Variants in UVRAG observed in about 807,000 individuals in gnomAD.
The protein encoded by UVRAG is UV radiation resistance associated, also known as UV radiation resistance-associated gene protein.
UVRAG carries 19 observed loss-of-function variants against 78.0 expected under a neutral mutation model. That is an observed-to-expected ratio of 0.24 (90% CI 0.17 to 0.36). UVRAG has a LOEUF of 0.36. Ranked by LOEUF, UVRAG falls within the 10% of genes least tolerant of loss-of-function variation. The pLI is 1.00. For synonymous variants in UVRAG, 323 were observed against 324.6 expected, an observed-to-expected ratio of 1.00 and a Z score of 0.05; for missense variants, 740 against 853.8, an observed-to-expected ratio of 0.87 and a Z score of 1.66.
intron 14 of UVRAG, among the ~76,000 whole-genome samples, chr11:76,127,823 A>G (rs1189141887): frequency 6.6e-6 from 1 of 151,830 alleles, no homozygotes; most frequent in Non-Finnish European, 1.5e-5. Flanking sequence ...CGGACGTGGT[A>G]GTGTATGCCT....
rs531972020 is a variant in UVRAG at position 75,851,907 on chromosome 11, A to G, written c.142A>G (p.Ile48Val). 1.2e-6 allele frequency: 2 copies of G among 1,612,878 alleles called. No individual in the cohort carries two copies. The highest frequency in any genetic ancestry group is 4.5e-5 in the East Asian group (2 of 44,862). The stretch of plus-strand genomic sequence containing the variant: ...GCGGCGTCTTCGACATCTTCGGAAC[A>G]TTGCTGCCCGGAACATTGTTAATAG... ...QQRRLRHLRN[I>V]AARNIVNRNG... Residue 48 changes from isoleucine to valine, a missense_variant, in exon 2 of 15, where the codon ATT becomes GTT. Coordinates refer to ENST00000356136, the MANE Select transcript of UVRAG (RefSeq NM_003369.4).
intron 9 of UVRAG, among the ~76,000 whole-genome samples, chr11:76,006,860 A>G (rs1401375990): frequency 6.6e-6 from 1 of 152,142 alleles, no homozygotes; most frequent in African/African-American, 2.4e-5. Flanking sequence ...AATTGGCCTC[A>G]TTAAATTGAC....
At chr11:75,981,843 TTTG>T (rs889626762) in intron 7 of UVRAG, among the ~76,000 whole-genome samples, 1 of 152,194 alleles carries the variant, frequency 6.6e-6, no homozygotes, top group African/African-American at 2.4e-5. Context: ...TCACTGAGTT[TTTG>T]TTATTTTTTG....
At chr11:75,928,966 A>AAAAAAAAAAAT (rs1948172975) in intron 6 of UVRAG, among the ~76,000 whole-genome samples, 1 of 148,146 alleles carries the variant, frequency 6.8e-6, no homozygotes, top group African/African-American at 2.5e-5. Flanking sequence ...AAAAAAAAAG[A>AAAAAAAAAAAT]ATTGAAAGCT....
At position 75,990,545 on chromosome 11, in the gene UVRAG, A is replaced by G. The variant is rs190615967; in HGVS notation, c.826+7032A>G. On this transcript the variant is annotated intron_variant, in intron 8 of 14. Transcript: ENST00000356136. Reference sequence around the variant, plus strand: ...CCTTTAAGATAAAAGTCTCAGCCCAAGATGACTTACAAAGGCCTCCAATGG... The same window carrying G: ...CCTTTAAGATAAAAGTCTCAGCCCAGGATGACTTACAAAGGCCTCCAATGG... Among the ~76,000 whole-genome samples the G allele has an allele frequency of 3.3e-5, 5 of 152,236 alleles. No individual in the cohort carries two copies. In the East Asian group the frequency reaches 9.6e-4, roughly 29 times the overall value.
intron 14 of UVRAG, among the ~76,000 whole-genome samples, chr11:76,125,811 A>G (rs1952376587): frequency 6.6e-6 from 1 of 152,228 alleles, no homozygotes; most frequent in Non-Finnish European, 1.5e-5. Context: ...CCCATAATTC[A>G]GGCACAAAAA....
chr11:75,900,680 C>T (rs2134985165), intron 5 of UVRAG, among the ~76,000 whole-genome samples: 1 of 152,246 alleles, frequency 6.6e-6, no homozygotes, highest in South Asian at 2.1e-4. Flanking sequence ...GTCCTCATGT[C>T]ATGGAGTAGC....
In UVRAG at chr11:76,144,174, T is replaced by C. The variant is rs1234309498; in HGVS notation, c.*2761T>C. 1.3e-5 allele frequency among the ~76,000 whole-genome samples: 2 copies of C among 152,242 alleles called. No homozygotes were observed. Among genetic ancestry groups the C allele is most frequent in the African/African-American group, 4.8e-5 (2 of 41,454 alleles). On this transcript the variant is annotated 3_prime_UTR_variant, in exon 15 of 15. Transcript: ENST00000356136. ...ATAAATGGCATGTGAAACTGATCTG[T>C]TGGTAACTGGAAGAAAACTCAGCAT...
chr11:75,856,460 A>G (rs1417122114), intron 2 of UVRAG, among the ~76,000 whole-genome samples: 2 of 151,116 alleles, frequency 1.3e-5, no homozygotes, highest in African/African-American at 4.9e-5. Flanking sequence ...ATTTTTATTT[A>G]TTTTTTATGA....
At chr11:75,956,224 C>T (rs951442502) in intron 6 of UVRAG, among the ~76,000 whole-genome samples, 2 of 152,072 alleles carry the variant, frequency 1.3e-5, no homozygotes, top group African/African-American at 4.8e-5. Flanking sequence ...CATTCTTATA[C>T]AAAGCTTCTT....
intron 6 of UVRAG, among the ~76,000 whole-genome samples, chr11:75,951,957 G>GT (rs1207984694): frequency 1.3e-5 from 2 of 151,970 alleles, no homozygotes; most frequent in African/African-American, 4.8e-5. Context: ...TAATAATATC[G>GT]TATCTTCCAA....
chr11:75,888,967 G>A (rs1947155043), intron 5 of UVRAG, 64 bp downstream of exon 5: 10 of 1,345,084 alleles, frequency 7.4e-6, no homozygotes, highest in African/African-American at 1.5e-5. Context: ...AGGTGTACAG[G>A]GTAGATATAA....
intron 8 of UVRAG, among the ~76,000 whole-genome samples, chr11:75,996,349 G>A (rs1591109985): frequency 6.6e-6 from 1 of 152,154 alleles, no homozygotes; most frequent in Admixed American, 6.5e-5. Flanking sequence ...TTATTTTTCT[G>A]CATATATGCC....
chr11:76,015,598 A>G (rs996566041), intron 11 of UVRAG, among the ~76,000 whole-genome samples: 6 of 151,846 alleles, frequency 4.0e-5, no homozygotes, highest in African/African-American at 1.4e-4. Flanking sequence ...AAAAAAGTAT[A>G]TATATAAAAA....
chr11:75,911,804 G>T, intron 5 of UVRAG, 150 bp from the exon 6 acceptor site: 1 of 540,246 alleles, frequency 1.9e-6, no homozygotes, highest in Non-Finnish European at 3.3e-6. Context: ...TCTATTACAT[G>T]GCAGATATAC....
Position 75,889,037 on chromosome 11 carries a change from G to C in UVRAG, c.507+134G>C, listed in dbSNP as rs968815927. ...AAATTTGTTGCTTAGTGTGGCTTAAGGTGGATGCTTTTTAATGGGAAAACT... is the reference window on the plus strand; with the variant it reads ...AAATTTGTTGCTTAGTGTGGCTTAACGTGGATGCTTTTTAATGGGAAAACT... On this transcript the variant is annotated intron_variant, in intron 5 of 14. Coordinates refer to ENST00000356136, the MANE Select transcript of UVRAG (RefSeq NM_003369.4). 4 of 609,830 alleles carry C rather than the reference G, an allele frequency of 6.6e-6. No individual in the cohort carries two copies. In the African/African-American group the frequency reaches 7.7e-5, roughly 12 times the overall value. 37.8% of individuals were successfully genotyped at this position (609,830 alleles called of 1,614,324 possible).
chr11:76,141,511 T>A lies in UVRAG; in HGVS notation c.*98T>A. The A allele has an allele frequency of 8.3e-7, 1 of 1,198,086 alleles. No individual in the cohort carries two copies. The highest frequency in any genetic ancestry group is 2.4e-5 in the East Asian group (1 of 40,882). 74.2% of individuals were successfully genotyped at this position (1,198,086 alleles called of 1,614,324 possible). On this transcript the variant is annotated 3_prime_UTR_variant, in exon 15 of 15. Transcript: ENST00000356136. ...TGTGATAATGATGACACAAAATGAA[T>A]ATTAATGGAGGATATTCCTCGGAAA...
chr11:75,857,138 C>T (rs1476792631), intron 2 of UVRAG, among the ~76,000 whole-genome samples: 3 of 152,216 alleles, frequency 2.0e-5, no homozygotes, highest in Non-Finnish European at 4.4e-5. Context: ...TCTGCTCATG[C>T]AACTCCGTCA....
At chr11:75,943,546 T>C (rs1269042904) in intron 6 of UVRAG, among the ~76,000 whole-genome samples, 2 of 152,166 alleles carry the variant, frequency 1.3e-5, no homozygotes, top group Non-Finnish European at 2.9e-5. Flanking sequence ...TTATGCCAAA[T>C]GTGGTTCTTC....
Sources: gnomAD v4.1 joint callset for allele counts (sites outside exome capture counted in the v4.1 genomes callset) on GRCh38, gnomAD v4.1.1 for gene constraint, MANE v1.5 for transcripts, NCBI Gene and HGNC (gene_info 2026-07-23, HGNC 2026-07-21) for gene names.